Variants in SLC22A16 observed in about 807,000 individuals in gnomAD.
SLC22A16 encodes solute carrier family 22 member 16.
SLC22A16 carries 53 observed loss-of-function variants against 52.9 expected under a neutral mutation model. The ratio of observed to expected loss-of-function variants is 1.00; its 90% CI spans 0.80 to 1.26. SLC22A16 has a LOEUF of 1.26. Ranked by LOEUF, SLC22A16 falls within the 50% of genes most tolerant of loss-of-function variation. The pLI, the probability that SLC22A16 is intolerant of heterozygous loss-of-function variation, is 0.00. For synonymous variants in SLC22A16, 291 were observed against 268.8 expected (o/e 1.08, Z -0.81); for missense variants, 726 against 704.0 (o/e 1.03, Z -0.35).
intron 1 of SLC22A16, among the ~76,000 whole-genome samples, chr6:110,472,247 C>T (rs1776284702): frequency 6.6e-6 from 1 of 152,164 alleles, no homozygotes; most frequent in Non-Finnish European, 1.5e-5. Flanking sequence ...GCCTTAGGGC[C>T]AAGAGCTCCC....
At position 110,442,096 on chromosome 6, in the gene SLC22A16, T is replaced by C. The variant is rs970539368; in HGVS notation, c.1183+148A>G. The C allele has an allele frequency of 1.7e-5, 12 of 723,408 alleles. No homozygotes were observed. In the African/African-American group the frequency reaches 2.0e-4, roughly 12 times the overall value. 44.8% of individuals were successfully genotyped at this position (723,408 alleles called of 1,614,324 possible). On this transcript the variant is annotated intron_variant, in intron 4 of 7. Transcript: ENST00000368919. The stretch of plus-strand genomic sequence containing the variant: ...TACAACATAACACTAAGAGATATCA[T>C]AATAATATGGTTGGCAGTATTGTTC...
intron 6 of SLC22A16, among the ~76,000 whole-genome samples, chr6:110,432,894 C>T (rs1331623984): frequency 4.6e-4 from 70 of 152,098 alleles, no homozygotes; most frequent in Admixed American, 4.5e-3. Flanking sequence ...ACTTATCCCC[C>T]GCTAATGTTA....
chr6:110,445,133 C>T (rs912182311), intron 3 of SLC22A16, among the ~76,000 whole-genome samples: 1 of 152,110 alleles, frequency 6.6e-6, no homozygotes, highest in East Asian at 1.9e-4. Flanking sequence ...TTGCCATTGC[C>T]TTTAGGAGAT....
chr6:110,457,164 G>T, intron 1 of SLC22A16, 147 bp from the exon 2 acceptor site: 2 of 796,744 alleles, frequency 2.5e-6, no homozygotes, highest in South Asian at 2.6e-5. Context: ...TTATATCTGT[G>T]GGTTAGTATA....
chr6:110,456,506 C>T (rs544110639), intron 2 of SLC22A16, 32 bp downstream of exon 2: 1 of 1,608,410 alleles, frequency 6.2e-7, no homozygotes, highest in South Asian at 1.1e-5. Flanking sequence ...AAACCCTACA[C>T]TGATACAACA....
At chr6:110,467,390 A>T (rs1776107640) in intron 1 of SLC22A16, among the ~76,000 whole-genome samples, 1 of 152,062 alleles carries the variant, frequency 6.6e-6, no homozygotes. Context: ...ATTTATGTTG[A>T]TTTTTTTAAA....
chr6:110,459,192 G>A (rs976351437), intron 1 of SLC22A16, among the ~76,000 whole-genome samples: 4 of 152,044 alleles, frequency 2.6e-5, no homozygotes, highest in East Asian at 1.9e-4. Context: ...TTTAATTCCC[G>A]CAATTTACTC....
chr6:110,473,140 T>C (rs1776316747), intron 1 of SLC22A16, among the ~76,000 whole-genome samples: 1 of 152,084 alleles, frequency 6.6e-6, no homozygotes, highest in Admixed American at 6.5e-5. Context: ...TGACACACCG[T>C]AGCTGTATAT....
intron 7 of SLC22A16, among the ~76,000 whole-genome samples, chr6:110,428,848 A>T (rs1361612280): frequency 6.6e-6 from 1 of 152,106 alleles, no homozygotes. Flanking sequence ...TGAACCTGGG[A>T]GGTGGAGGTT....
At chr6:110,471,485 G>A (rs540456675) in intron 1 of SLC22A16, among the ~76,000 whole-genome samples, 5 of 152,328 alleles carry the variant, frequency 3.3e-5, no homozygotes, top group Middle Eastern at 3.4e-3. Context: ...CAGTCTAAAC[G>A]TCTGTTGACA....
At chr6:110,428,929 A>G (rs1439908028) in intron 7 of SLC22A16, among the ~76,000 whole-genome samples, 20 of 152,224 alleles carry the variant, frequency 1.3e-4, no homozygotes, top group African/African-American at 4.6e-4. Context: ...CAGAAGAATA[A>G]TAAAAATAAA....
rs1554229887 is a variant in SLC22A16, at chr6:110,476,507, G to GCCCCCCCCCCCCCCCCC, written c.53+14_53+15insGGGGGGGGGGGGGGGGG. ...GCCGCCTCCCGCGTGGCGCCGCGGG[G>GCCCCCCCCCCCCCCCCC]CCCCTCCCCCATACCTGCCGAAGTG... is the stretch of plus-strand genomic sequence containing the variant. On this transcript the variant is annotated intron_variant, in intron 1 of 7. Transcript: ENST00000368919. 1.9e-6 allele frequency: 2 copies of GCCCCCCCCCCCCCCCCC among 1,072,994 alleles called. No individual in the cohort carries two copies. The highest frequency in any genetic ancestry group is 5.6e-5 in the African/African-American group (2 of 35,464). 66.5% of individuals were successfully genotyped at this position (1,072,994 alleles called of 1,614,324 possible).
intron 3 of SLC22A16, 147 bp downstream of exon 3, chr6:110,446,726 G>C: frequency 1.4e-6 from 1 of 719,564 alleles, no homozygotes; most frequent in South Asian, 1.9e-5. Context: ...TAAGGCATTG[G>C]TATTCTGTAG....
intron 7 of SLC22A16, chr6:110,425,426 C>T (rs1774220119): frequency 1.5e-6 from 2 of 1,311,154 alleles, no homozygotes; most frequent in Middle Eastern, 2.1e-4. Context: ...TCTTTCCAGA[C>T]CCCAGAATCT....
intron 6 of SLC22A16, among the ~76,000 whole-genome samples, chr6:110,433,391 C>G (rs757483151): frequency 6.6e-6 from 1 of 152,196 alleles, no homozygotes; most frequent in African/African-American, 2.4e-5. Flanking sequence ...GCTGCCTGCC[C>G]TAGCATTTCA....
Position 110,467,799 on chromosome 6 carries a change from C to T in SLC22A16, c.53+8723G>A, listed in dbSNP as rs533418512. 2.6e-5 allele frequency among the ~76,000 whole-genome samples: 4 copies of T among 152,280 alleles called. No individual in the cohort carries two copies. In the East Asian group the frequency reaches 5.8e-4, roughly 22 times the overall value. ...CTTATTATGTATATTGAAATATAAA[C>T]TTCTATTTGTACATATTGACTTCTA... On this transcript the variant is annotated intron_variant, in intron 1 of 7. Transcript: ENST00000368919.
chr6:110,441,421 G>T (rs1415640141), intron 4 of SLC22A16, among the ~76,000 whole-genome samples: 1 of 152,206 alleles, frequency 6.6e-6, no homozygotes, highest in Non-Finnish European at 1.5e-5. Context: ...AATTGTAACA[G>T]GAGATGAAAC....
chr6:110,443,922 T>A (rs1171076813), intron 3 of SLC22A16, among the ~76,000 whole-genome samples: 1 of 152,180 alleles, frequency 6.6e-6, no homozygotes, highest in Non-Finnish European at 1.5e-5. Flanking sequence ...GCCAAACTCA[T>A]AGAGACAGGA....
At chr6:110,425,145 G>A in intron 7 of SLC22A16, 60 bp from the exon 8 acceptor site, 5 of 1,596,648 alleles carry the variant, frequency 3.1e-6, no homozygotes, top group Non-Finnish European at 4.3e-6. Flanking sequence ...ACCCTTCGGA[G>A]AATAGAATTT....
Sources: allele counts gnomAD v4.1 joint callset (sites outside exome capture counted in the v4.1 genomes callset), GRCh38; gene constraint gnomAD v4.1.1; transcripts MANE v1.5; gene names NCBI Gene and HGNC (gene_info 2026-07-23, HGNC 2026-07-21).